The following SEC11A variants were observed in gnomAD, a reference collection of about 807,000 sequenced individuals.
SEC11A encodes signal peptidase complex catalytic subunit SEC11A.
A neutral mutation model predicts 25.6 loss-of-function variants in SEC11A; 14 were observed. That is an observed-to-expected ratio of 0.55 (90% CI 0.36 to 0.85). SEC11A has a LOEUF of 0.85. Among genes scored for constraint, SEC11A ranks in the 40% least tolerant of loss-of-function variants. The pLI is 0.01. For synonymous variants in SEC11A, 83 were observed against 76.4 expected, an observed-to-expected ratio of 1.09 and a Z score of -0.45; for missense variants, 153 against 222.9, an observed-to-expected ratio of 0.69 and a Z score of 2.00.
intron 4 of SEC11A, chr15:84,673,061 C>A (rs1897036784): frequency 1.1e-5 from 2 of 177,400 alleles, no homozygotes; most frequent in Non-Finnish European, 2.4e-5. Context: ...GGAGCCCCTC[C>A]GTCCGGCAGC....
rs759831533 is a variant in SEC11A at position 84,716,096 on chromosome 15, C to T, written c.-21G>A. 3 of 1,612,994 alleles carry T rather than the reference C, an allele frequency of 1.9e-6. No individual in the cohort carries two copies. Among genetic ancestry groups the T allele is most frequent in the Non-Finnish European group, 2.5e-6 (3 of 1,179,332 alleles). On this transcript the variant is annotated 5_prime_UTR_variant, in exon 1 of 6. Transcript: ENST00000268220. ...AGCATGGCGGGGACGGCGAGCAGGA[C>T]ACCGGCAGGGGAAAGGGCGCGATGA...
rs569643924 is a variant in SEC11A, at chr15:84,712,950, T to C, written c.51+3075A>G. Among the ~76,000 whole-genome samples the C allele has an allele frequency of 5.9e-5, 9 of 152,250 alleles. No individual in the cohort carries two copies. In the South Asian group the frequency reaches 1.9e-3, roughly 32 times the overall value. On this transcript the variant is annotated intron_variant, in intron 1 of 5. Coordinates refer to ENST00000268220, the MANE Select transcript of SEC11A (RefSeq NM_014300.4). ...GGCCGGGAGCAGTGGCTCACGCCTG[T>C]AATCCTAGCATTTTGGAAGGCCGAG...
intron 1 of SEC11A, among the ~76,000 whole-genome samples, chr15:84,694,867 G>A (rs1184826278): frequency 4.0e-5 from 6 of 150,232 alleles, no homozygotes; most frequent in Non-Finnish European, 5.9e-5. Flanking sequence ...CGAGGCAGGC[G>A]GATCACGAGG....
At chr15:84,676,452 A>C (rs75372000) in intron 4 of SEC11A, among the ~76,000 whole-genome samples, 1 of 91,950 alleles carries the variant, frequency 1.1e-5, no homozygotes, top group Non-Finnish European at 2.9e-5. Flanking sequence ...ACTCTGTCTC[A>C]AAAAAAAAAA....
intron 1 of SEC11A, among the ~76,000 whole-genome samples, chr15:84,700,588 T>G (rs914828782): frequency 1.6e-5 from 1 of 62,252 alleles, no homozygotes; most frequent in African/African-American, 7.0e-5. Flanking sequence ...AGGAAGACTC[T>G]GTCTCAAAAA....
chr15:84,676,464 A>T lies in SEC11A; in HGVS notation c.431+4249T>A, dbSNP rs541821117. Among the ~76,000 whole-genome samples the T allele has an allele frequency of 7.1e-3, 845 of 118,892 alleles. 9 individuals carry two copies. The highest frequency in any genetic ancestry group is 0.018 in the African/African-American group (680 of 37,722). The allele number at this position is 118,892 out of a possible 152,430, so 78.0% of individuals were successfully genotyped here. A position where few individuals can be genotyped will look rare whatever the true frequency, so the allele number is the denominator to read the frequency against. On this transcript the variant is annotated intron_variant, in intron 4 of 5. Coordinates refer to ENST00000268220, the MANE Select transcript of SEC11A (RefSeq NM_014300.4). ...GAAACTCTGTCTCAAAAAAAAAAAA[A>T]TTTTTTTTTTTTTTAATGCATAAAG...
chr15:84,681,985 G>A (rs1023178164), intron 3 of SEC11A, among the ~76,000 whole-genome samples: 2 of 152,106 alleles, frequency 1.3e-5, no homozygotes, highest in Non-Finnish European at 1.5e-5. Context: ...CTAAGCCCAG[G>A]GAGATTGAGG....
At chr15:84,679,407 G>T (rs1448705465) in intron 4 of SEC11A, 1 of 340,590 alleles carries the variant, frequency 2.9e-6, no homozygotes, top group East Asian at 7.6e-5. Flanking sequence ...AATGATACCT[G>T]TTCTGATCTG....
intron 2 of SEC11A, among the ~76,000 whole-genome samples, chr15:84,690,752 T>C (rs1897580892): frequency 1.3e-5 from 2 of 152,156 alleles, no homozygotes; most frequent in African/African-American, 4.8e-5. Context: ...AGTTTAGAAG[T>C]GATATTTAAA....
At chr15:84,695,355 C>T (rs538254355) in intron 1 of SEC11A, among the ~76,000 whole-genome samples, 66 of 151,008 alleles carry the variant, frequency 4.4e-4, no homozygotes, top group African/African-American at 1.5e-3. Context: ...CTCAGATACT[C>T]GGGAGGCTGA....
At chr15:84,685,694 G>T (rs1367390039) in intron 3 of SEC11A, among the ~76,000 whole-genome samples, 1 of 151,132 alleles carries the variant, frequency 6.6e-6, no homozygotes, top group African/African-American at 2.4e-5. Flanking sequence ...GTTCAGCTTT[G>T]TTCACAACAG....
chr15:84,696,317 T>C (rs1897766527), intron 1 of SEC11A, among the ~76,000 whole-genome samples: 1 of 152,198 alleles, frequency 6.6e-6, no homozygotes, highest in Admixed American at 6.5e-5. Flanking sequence ...AAAATGGGTC[T>C]TCTTATTCTG....
intron 1 of SEC11A, among the ~76,000 whole-genome samples, chr15:84,696,974 G>A (rs1370392541): frequency 2.0e-5 from 3 of 151,196 alleles, no homozygotes; most frequent in African/African-American, 7.3e-5. Context: ...CTTGAGCCCA[G>A]GAGTTCGAGT....
At chr15:84,680,072 G>T (rs1897245635) in intron 4 of SEC11A, 3 of 699,750 alleles carry the variant, frequency 4.3e-6, no homozygotes, top group Admixed American at 2.6e-5. Flanking sequence ...AACTAATTTG[G>T]ATGAACACTT....
chr15:84,681,351 C>T (rs1048363584), intron 3 of SEC11A, among the ~76,000 whole-genome samples: 2 of 152,180 alleles, frequency 1.3e-5, no homozygotes, highest in African/African-American at 4.8e-5. Flanking sequence ...AAGAGACGGC[C>T]AGGCGCGGTG....
chr15:84,702,650 C>CA (rs1343408403), intron 1 of SEC11A, among the ~76,000 whole-genome samples: 1 of 151,996 alleles, frequency 6.6e-6, no homozygotes, highest in African/African-American at 2.4e-5. Context: ...ACATATTAGA[C>CA]AACTTTGATG....
chr15:84,692,185 A>T (rs1897631697), intron 1 of SEC11A: 1 of 151,808 alleles, frequency 6.6e-6, no homozygotes, highest in Non-Finnish European at 1.5e-5. Flanking sequence ...ATGCGTCATC[A>T]CGCCCAGCTA....
chr15:84,685,613 G>A (rs1224783250), intron 3 of SEC11A, among the ~76,000 whole-genome samples: 4 of 151,612 alleles, frequency 2.6e-5, no homozygotes, highest in Non-Finnish European at 4.4e-5. Flanking sequence ...TTAAAATGGA[G>A]AAATTTTCCT....
chr15:84,679,139 AT>A (rs1164795050), intron 4 of SEC11A: 1 of 427,228 alleles, frequency 2.3e-6, no homozygotes, highest in Non-Finnish European at 3.9e-6. Context: ...GATTATTGAT[AT>A]TTTCTTATGT....
Sources: gnomAD v4.1 joint callset for allele counts (sites outside exome capture counted in the v4.1 genomes callset) on GRCh38, gnomAD v4.1.1 for gene constraint, MANE v1.5 for transcripts, NCBI Gene and HGNC (gene_info 2026-07-23, HGNC 2026-07-21) for gene names.